ARHGAP12: variants seen among roughly 807,000 people sequenced by gnomAD.
ARHGAP12 encodes Rho GTPase activating protein 12, also known as rho GTPase-activating protein 12.
A neutral mutation model predicts 108.6 loss-of-function variants in ARHGAP12; 64 were observed. That is an observed-to-expected ratio of 0.59 (90% CI 0.48 to 0.73). The LOEUF (loss-of-function observed/expected upper bound fraction) is 0.73, where lower values mean the gene tolerates loss of function less well. Ranked by LOEUF, ARHGAP12 falls within the 30% of genes least tolerant of loss-of-function variation. ARHGAP12 has a pLI of 0.00. For missense variants in ARHGAP12, 940 were observed against 1,005.9 expected, an observed-to-expected ratio of 0.93 and a Z score of 0.89; for synonymous variants, 312 against 337.2, an observed-to-expected ratio of 0.93 and a Z score of 0.82.
intron 3 of ARHGAP12, among the ~76,000 whole-genome samples, chr10:31,880,467 C>T (rs965192508): frequency 6.9e-6 from 1 of 144,118 alleles, no homozygotes; most frequent in Non-Finnish European, 1.6e-5. Flanking sequence ...CAAACAACAA[C>T]AATAACAAAA....
chr10:31,898,362 AG>A (rs1393810237), intron 3 of ARHGAP12, among the ~76,000 whole-genome samples: 1 of 152,222 alleles, frequency 6.6e-6, no homozygotes, highest in Non-Finnish European at 1.5e-5. Flanking sequence ...AACCACAATC[AG>A]ACACTTCCTA....
intron 7 of ARHGAP12, among the ~76,000 whole-genome samples, chr10:31,842,461 T>G (rs190169591): frequency 6.6e-6 from 1 of 152,232 alleles, no homozygotes; most frequent in African/African-American, 2.4e-5. Flanking sequence ...AACTAGAAAC[T>G]AGAAACTGGT....
At chr10:31,853,190 G>A (rs951939394) in intron 5 of ARHGAP12, among the ~76,000 whole-genome samples, 4 of 152,162 alleles carry the variant, frequency 2.6e-5, no homozygotes, top group Non-Finnish European at 5.9e-5. Context: ...TATAACATAC[G>A]ATGTACATAT....
At chr10:31,889,318 T>G (rs550275063) in intron 3 of ARHGAP12, among the ~76,000 whole-genome samples, 2 of 152,334 alleles carry the variant, frequency 1.3e-5, no homozygotes, top group South Asian at 4.1e-4. Context: ...GCAAAGCCAC[T>G]GAATATCATC....
intron 4 of ARHGAP12, among the ~76,000 whole-genome samples, chr10:31,854,782 C>T (rs1210608858): frequency 6.6e-6 from 1 of 151,572 alleles, no homozygotes; most frequent in African/African-American, 2.4e-5. Flanking sequence ...GAAAAAATAA[C>T]ATTGAGCAAA....
rs1322583962 is a variant in ARHGAP12 at position 31,820,414 on chromosome 10, A to C, written c.1605T>G (p.Asp535Glu). The change falls in exon 12 of 20, where the codon GAT (aspartate) becomes GAG (glutamate). Residue 535 changes from aspartate to glutamate, a missense_variant. Physicochemically the swap from Asp to Glu is conservative, Grantham distance 45. Transcript: ENST00000344936. ...CAAATACATTCTTTTTGCTGGATTTATCCTTTGAAGCCATCTCAATTGTTG... is the reference window on the plus strand; with the variant it reads ...CAAATACATTCTTTTTGCTGGATTTCTCCTTTGAAGCCATCTCAATTGTTG... ...KGATIEMASK[D>E]KSSKKNVFEL... 1.2e-6 allele frequency: 2 copies of C among 1,612,074 alleles called. No homozygotes were observed. Among genetic ancestry groups the C allele is most frequent in the Non-Finnish European group, 1.7e-6 (2 of 1,179,098 alleles).
intron 14 of ARHGAP12, among the ~76,000 whole-genome samples, chr10:31,813,635 C>T (rs1270373600): frequency 4.8e-5 from 3 of 61,884 alleles, no homozygotes; most frequent in African/African-American, 4.8e-4. Flanking sequence ...CCAAAAAGTT[C>T]TCAGTTAAAC....
Position 31,814,358 on chromosome 10 carries a change from C to T in ARHGAP12, c.1735G>A (p.Val579Ile), listed in dbSNP as rs1368361425. Reference protein sequence around the residue: ...VLSSTINNQAVETDEGIEEEI... With the variant: ...VLSSTINNQAIETDEGIEEEI... ...TCTTCAATTCCTTCATCAGTTTCTA[C>T]TGCCTATTGGTTAGATATTTCCCAA... The change falls in exon 14 of 20, where the codon GTA becomes ATA. Residue 579 changes from valine to isoleucine, a missense_variant. Physicochemically the swap from Val to Ile is conservative, Grantham distance 29. Transcript: ENST00000344936. 6.2e-7 allele frequency: 1 copy of T among 1,609,596 alleles called. No homozygotes were observed. The highest frequency in any genetic ancestry group is 8.5e-7 in the Non-Finnish European group (1 of 1,175,954).
chr10:31,909,371 C>T (rs952266041), intron 2 of ARHGAP12, among the ~76,000 whole-genome samples: 4 of 152,066 alleles, frequency 2.6e-5, no homozygotes, highest in Non-Finnish European at 4.4e-5. Context: ...TCCTAGAACA[C>T]GGCATTACGG....
intron 3 of ARHGAP12, among the ~76,000 whole-genome samples, chr10:31,882,820 GAA>G (rs60532023): frequency 0.055 from 7,107 of 130,228 alleles, 548 homozygotes; most frequent in African/African-American, 0.18. Flanking sequence ...CTCTTAAAAA[GAA>G]AAAAAAAAAA....
intron 4 of ARHGAP12, 95 bp downstream of exon 4, chr10:31,861,300 T>C: frequency 1.4e-6 from 2 of 1,416,254 alleles, no homozygotes; most frequent in South Asian, 2.8e-5. Flanking sequence ...TTTAACATGC[T>C]GACAGTAAGA....
rs962952351 is a variant in ARHGAP12 at position 31,820,459 on chromosome 10, G to A, written c.1560C>T (p.Phe520=). ...WFGSNQSKPE[F]TVDLKGATIE... is the part of the protein sequence containing the mutation. Reference sequence around the variant, plus strand: ...TTGTTGCCCCCTTGAGGTCCACTGTGAACTCTGGTTTGGACTGATTACTGC... The same window carrying A: ...TTGTTGCCCCCTTGAGGTCCACTGTAAACTCTGGTTTGGACTGATTACTGC... The change falls in exon 12 of 20, where the codon TTC becomes TTT. Residue 520 remains phenylalanine, a synonymous_variant. Transcript: ENST00000344936. 4 of 1,610,928 alleles carry A rather than the reference G, an allele frequency of 2.5e-6. No individual in the cohort carries two copies. Among genetic ancestry groups the A allele is most frequent in the Non-Finnish European group, 3.4e-6 (4 of 1,178,664 alleles).
intron 5 of ARHGAP12, among the ~76,000 whole-genome samples, chr10:31,852,979 C>T (rs1257593768): frequency 3.9e-5 from 6 of 152,118 alleles, no homozygotes; most frequent in East Asian, 1.9e-4. Context: ...CCGCCTGCCT[C>T]GGCCTCCCAA....
At chr10:31,820,260 T>C in intron 12 of ARHGAP12, 127 bp downstream of exon 12, 1 of 623,540 alleles carries the variant, frequency 1.6e-6, no homozygotes, top group Non-Finnish European at 2.5e-6. Context: ...TACAATACCA[T>C]CTAACTTAAT....
At chr10:31,823,000 G>A (rs1835471817) in intron 11 of ARHGAP12, among the ~76,000 whole-genome samples, 2 of 152,068 alleles carry the variant, frequency 1.3e-5, no homozygotes, top group South Asian at 4.1e-4. Context: ...ACAAATGAAT[G>A]TTTGAATAAC....
At chr10:31,854,320 ATCTGAATATTTGATTTT>A (rs1203698349) in intron 4 of ARHGAP12, 114 bp from the exon 5 acceptor site, 19 of 902,292 alleles carry the variant, frequency 2.1e-5, no homozygotes, top group Non-Finnish European at 3.0e-5. Context: ...TCTTAAATAT[ATCTGAATATTTGATTTT>A]GAAAATAAAT....
chr10:31,893,458 C>T (rs1020818406), intron 3 of ARHGAP12, among the ~76,000 whole-genome samples: 1 of 152,170 alleles, frequency 6.6e-6, no homozygotes, highest in African/African-American at 2.4e-5. Context: ...TCAGAGAATA[C>T]TATAAACACC....
At chr10:31,827,794 G>A (rs1321539953) in intron 10 of ARHGAP12, among the ~76,000 whole-genome samples, 174 of 131,710 alleles carry the variant, frequency 1.3e-3, no homozygotes, top group Non-Finnish European at 2.1e-3. Flanking sequence ...CCGTCACCCA[G>A]AAAAAAAAAC....
intron 3 of ARHGAP12, among the ~76,000 whole-genome samples, chr10:31,877,193 A>C (rs1392346673): frequency 6.6e-6 from 1 of 152,246 alleles, no homozygotes; most frequent in East Asian, 1.9e-4. Flanking sequence ...AATGAGATAT[A>C]CTGAAAGTAG....
Sources: allele counts gnomAD v4.1 joint callset (sites outside exome capture counted in the v4.1 genomes callset), GRCh38; gene constraint gnomAD v4.1.1; transcripts MANE v1.5; gene names NCBI Gene and HGNC (gene_info 2026-07-23, HGNC 2026-07-21).